Variants in DMC1 observed in about 807,000 individuals in gnomAD.
DMC1 encodes the protein DNA meiotic recombinase 1.
In DMC1, 27 loss-of-function variants were observed where a neutral mutation model predicts 50.1. The observed-to-expected ratio is 0.54, with a 90% confidence interval of 0.40 to 0.74. DMC1 has a LOEUF of 0.74. Ranked by LOEUF, DMC1 falls within the 30% of genes least tolerant of loss-of-function variation. The probability of loss-of-function intolerance (pLI) is 0.00; values close to 1 mark genes in which losing one functional copy is unlikely to be tolerated. For missense variants in DMC1, 295 were observed against 420.2 expected (o/e 0.70, Z 2.60); for synonymous variants, 148 against 136.1 (o/e 1.09, Z -0.61).
intron 6 of DMC1, among the ~76,000 whole-genome samples, chr22:38,553,939 G>A (rs1459846069): frequency 2.3e-5 from 3 of 129,608 alleles, no homozygotes; most frequent in African/African-American, 9.0e-5. Context: ...CTGGGCAACA[G>A]AGCGAGACTC....
intron 12 of DMC1, among the ~76,000 whole-genome samples, chr22:38,529,738 G>C (rs2090134594): frequency 6.6e-6 from 1 of 152,112 alleles, no homozygotes. Flanking sequence ...TCTGGAATTG[G>C]GCAAACGCTA....
intron 5 of DMC1, among the ~76,000 whole-genome samples, chr22:38,560,759 A>T (rs527337043): frequency 6.6e-6 from 1 of 152,234 alleles, no homozygotes; most frequent in East Asian, 1.9e-4. Flanking sequence ...GTAGAAAAAA[A>T]ATAATGAACC....
At chr22:38,559,804 G>A (rs1008566858) in intron 5 of DMC1, among the ~76,000 whole-genome samples, 7 of 151,950 alleles carry the variant, frequency 4.6e-5, no homozygotes, top group African/African-American at 1.7e-4. Context: ...TGGATCATGG[G>A]ATCAGGAGTT....
At chr22:38,527,072 T>G (rs2090100132) in intron 12 of DMC1, among the ~76,000 whole-genome samples, 1 of 152,138 alleles carries the variant, frequency 6.6e-6, no homozygotes, top group Non-Finnish European at 1.5e-5. Flanking sequence ...TACCAGCCAT[T>G]CCCCAGGCAG....
At chr22:38,511,349 C>A in the DMC1 span, among the ~76,000 whole-genome samples, 1 of 152,024 alleles carries the variant, frequency 6.6e-6, no homozygotes, top group Non-Finnish European at 1.5e-5. Flanking sequence ...GAGGCCGAGG[C>A]GGGAGGATCC....
At chr22:38,551,607 G>A (rs1412398867) in intron 7 of DMC1, among the ~76,000 whole-genome samples, 1 of 152,078 alleles carries the variant, frequency 6.6e-6, no homozygotes, top group African/African-American at 2.4e-5. Context: ...TGGGATTACA[G>A]GTGTGAGCCA....
chr22:38,522,537 G>A (rs1011222499), intron 12 of DMC1, among the ~76,000 whole-genome samples: 2 of 151,716 alleles, frequency 1.3e-5, no homozygotes, highest in Non-Finnish European at 2.9e-5. Flanking sequence ...TTCCAGCCTG[G>A]GCAACAGAAT....
intron 4 of DMC1, among the ~76,000 whole-genome samples, chr22:38,564,244 G>GAGGATC (rs2090558629): frequency 6.6e-6 from 1 of 152,222 alleles, no homozygotes; most frequent in Non-Finnish European, 1.5e-5. Flanking sequence ...GCAGAGGCAG[G>GAGGATC]AGGATCACTT....
intron 12 of DMC1, among the ~76,000 whole-genome samples, chr22:38,524,089 C>A (rs1007953180): frequency 2.6e-5 from 4 of 152,124 alleles, no homozygotes; most frequent in African/African-American, 4.8e-5. Context: ...TATCCCCTCA[C>A]CTTGGATGAC....
intron 12 of DMC1, among the ~76,000 whole-genome samples, chr22:38,530,237 G>A (rs2090139052): frequency 6.6e-6 from 1 of 152,076 alleles, no homozygotes; most frequent in African/African-American, 2.4e-5. Flanking sequence ...AAAGTGCTGG[G>A]ATTACAGTTG....
chr22:38,535,222 C>G (rs2090197542), intron 12 of DMC1, among the ~76,000 whole-genome samples: 1 of 151,828 alleles, frequency 6.6e-6, no homozygotes, highest in African/African-American at 2.4e-5. Flanking sequence ...TCGCCTGAAC[C>G]TGGGAGGCGG....
intron 5 of DMC1, among the ~76,000 whole-genome samples, chr22:38,560,738 C>G (rs1469673310): frequency 2.0e-5 from 3 of 151,682 alleles, no homozygotes; most frequent in African/African-American, 7.3e-5. Context: ...AAATATCAAG[C>G]ATAAACAAAT....
At chr22:38,529,716 A>G (rs1041444784) in intron 12 of DMC1, among the ~76,000 whole-genome samples, 2 of 152,140 alleles carry the variant, frequency 1.3e-5, no homozygotes, top group African/African-American at 4.8e-5. Flanking sequence ...CCTGGCTCAC[A>G]CATTTTTAAA....
At chr22:38,551,039 G>C (rs548135673) in intron 7 of DMC1, among the ~76,000 whole-genome samples, 6 of 150,312 alleles carry the variant, frequency 4.0e-5, no homozygotes, top group Admixed American at 3.3e-4. Flanking sequence ...TCAGGAGTTT[G>C]AGACCAGCCT....
intron 12 of DMC1, among the ~76,000 whole-genome samples, chr22:38,524,516 C>T (rs532746169): frequency 6.6e-6 from 1 of 152,250 alleles, no homozygotes; most frequent in African/African-American, 2.4e-5. Context: ...TTCTTTCTGT[C>T]CACCACCTAT....
downstream of DMC1, among the ~76,000 whole-genome samples, chr22:38,517,525 C>T (rs1276698181): frequency 1.3e-5 from 2 of 151,992 alleles, no homozygotes; most frequent in African/African-American, 4.8e-5. Flanking sequence ...GCTGAGATTG[C>T]GCCATTGCAC....
At chr22:38,568,872 A>G (rs11570373) in intron 1 of DMC1, among the ~76,000 whole-genome samples, 6,973 of 152,144 alleles carry the variant, frequency 0.046, 281 homozygotes, top group East Asian at 0.11. Flanking sequence ...CACAGTATTT[A>G]CTAGTTTCAT....
At chr22:38,527,482 G>A (rs975996148) in intron 12 of DMC1, among the ~76,000 whole-genome samples, 1 of 151,552 alleles carries the variant, frequency 6.6e-6, no homozygotes, top group Non-Finnish European at 1.5e-5. Flanking sequence ...TGGGATTACA[G>A]GTGTGAGCCA....
At chr22:38,553,899 T>C (rs1383594462) in intron 6 of DMC1, among the ~76,000 whole-genome samples, 1 of 136,782 alleles carries the variant, frequency 7.3e-6, no homozygotes, top group Non-Finnish European at 1.5e-5. Flanking sequence ...GAAGTTGCAG[T>C]GAGCCAAGAT....
Sources: allele counts gnomAD v4.1 joint callset (sites outside exome capture counted in the v4.1 genomes callset), GRCh38; gene constraint gnomAD v4.1.1; transcripts MANE v1.5; gene names NCBI Gene and HGNC (gene_info 2026-07-23, HGNC 2026-07-21).